GCNT1: variants seen among roughly 807,000 people sequenced by gnomAD.
GCNT1 encodes the protein glucosaminyl (N-acetyl) transferase 1, also known as beta-1,3-galactosyl-O-glycosyl-glycoprotein beta-1,6-N-acetylglucosaminyltransferase.
Under a neutral mutation model 26.2 loss-of-function variants are expected in GCNT1, and 16 were observed. That is an observed-to-expected ratio of 0.61 (90% CI 0.41 to 0.93). The LOEUF (loss-of-function observed/expected upper bound fraction) is 0.93, where lower values mean the gene tolerates loss of function less well. Ranked by LOEUF, GCNT1 falls within the 40% of genes least tolerant of loss-of-function variation. The pLI, the probability that GCNT1 is intolerant of heterozygous loss-of-function variation, is 0.00. For missense variants in GCNT1, 477 were observed against 526.7 expected (o/e 0.91, Z 0.92); for synonymous variants, 183 against 190.8 (o/e 0.96, Z 0.34).
chr9:76,420,766 T>G (rs1002258833), intron 1 of GCNT1: 20 of 151,938 alleles, frequency 1.3e-4, no homozygotes, highest in African/African-American at 4.6e-4. Flanking sequence ...AGACCTCTTC[T>G]CTACTAAAAA....
upstream of GCNT1, among the ~76,000 whole-genome samples, chr9:76,437,772 G>A (rs62564438): frequency 0.017 from 2,595 of 152,280 alleles, 31 homozygotes; most frequent in Non-Finnish European, 0.028. Context: ...TGAGGGCAAA[G>A]CAGAATATTT....
chr9:76,482,586 T>C (rs986672060), intron 2 of GCNT1, among the ~76,000 whole-genome samples: 5 of 151,576 alleles, frequency 3.3e-5, no homozygotes, highest in African/African-American at 1.2e-4. Flanking sequence ...ATTGCACCAC[T>C]GCACTTCAGC....
chr9:76,491,018 A>G (rs924662988), intron 2 of GCNT1, among the ~76,000 whole-genome samples: 3 of 152,262 alleles, frequency 2.0e-5, no homozygotes, highest in South Asian at 4.1e-4. Flanking sequence ...AAGACCTTCA[A>G]TTATCAATTA....
the GCNT1 span, among the ~76,000 whole-genome samples, chr9:76,407,295 A>G: frequency 1.3e-3 from 194 of 152,240 alleles, 1 homozygote; most frequent in African/African-American, 4.5e-3. Flanking sequence ...GGGCATGAGT[A>G]TAAAGTCTAT....
At chr9:76,399,233 G>C in the GCNT1 span, 1 of 1,501,152 alleles carries the variant, frequency 6.7e-7, no homozygotes, top group East Asian at 2.3e-5. Context: ...GTAGATGCTG[G>C]CTCGGGAAGT....
intron 1 of GCNT1, among the ~76,000 whole-genome samples, chr9:76,447,803 C>T (rs1823602318): frequency 6.6e-6 from 1 of 152,156 alleles, no homozygotes; most frequent in South Asian, 2.1e-4. Flanking sequence ...TCTGTGAGCC[C>T]CCTGGCTCAT....
intron 2 of GCNT1, among the ~76,000 whole-genome samples, chr9:76,477,700 CT>C (rs1824286059): frequency 6.6e-6 from 1 of 152,194 alleles, no homozygotes; most frequent in Admixed American, 6.5e-5. Context: ...CATATTTGCA[CT>C]GTTGTGCAGC....
chr9:76,493,263 G>A (rs184570568), intron 2 of GCNT1, among the ~76,000 whole-genome samples: 21 of 152,292 alleles, frequency 1.4e-4, no homozygotes, highest in African/African-American at 5.1e-4. Flanking sequence ...TTGCTGACCG[G>A]TAGGGAATTT....
chr9:76,395,194 T>C, the GCNT1 span, among the ~76,000 whole-genome samples: 8 of 152,342 alleles, frequency 5.3e-5, no homozygotes, highest in African/African-American at 1.7e-4. Context: ...GAAGTAGCTC[T>C]GGGCTCACTC....
the GCNT1 span, among the ~76,000 whole-genome samples, chr9:76,403,520 G>C: frequency 6.6e-6 from 1 of 152,314 alleles, no homozygotes; most frequent in Admixed American, 6.5e-5. Context: ...ACCTAGAACT[G>C]CGGTGACACA....
the GCNT1 span, among the ~76,000 whole-genome samples, chr9:76,413,920 A>G: frequency 6.6e-6 from 1 of 150,696 alleles, no homozygotes; most frequent in African/African-American, 2.4e-5. Context: ...TTTGCTTTTC[A>G]GTTTTGGAAG....
At chr9:76,477,396 C>G (rs578164992) in intron 2 of GCNT1, among the ~76,000 whole-genome samples, 1 of 151,890 alleles carries the variant, frequency 6.6e-6, no homozygotes, top group East Asian at 2.0e-4. Context: ...CATGGTGGTG[C>G]GTGCCTGTAG....
intron 2 of GCNT1, among the ~76,000 whole-genome samples, chr9:76,470,659 CAT>C (rs1265149643): frequency 6.7e-6 from 1 of 148,488 alleles, no homozygotes; most frequent in East Asian, 2.0e-4. Context: ...ACATTGTATA[CAT>C]GTCTTGTTTC....
At chr9:76,448,487 C>T (rs1330006763) in intron 1 of GCNT1, among the ~76,000 whole-genome samples, 2 of 152,230 alleles carry the variant, frequency 1.3e-5, no homozygotes, top group East Asian at 3.9e-4. Context: ...CTTATTGAGG[C>T]ATGGTTTAAT....
chr9:76,468,799 T>G (rs1824063643), intron 2 of GCNT1, among the ~76,000 whole-genome samples: 2 of 152,226 alleles, frequency 1.3e-5, no homozygotes, highest in East Asian at 3.8e-4. Flanking sequence ...TACAGTGAAT[T>G]ACTTTTCAAA....
upstream of GCNT1, among the ~76,000 whole-genome samples, chr9:76,437,453 A>C (rs1441558975): frequency 6.6e-6 from 1 of 152,196 alleles, no homozygotes; most frequent in Non-Finnish European, 1.5e-5. Flanking sequence ...TGCCATGGCA[A>C]CGTCAGGAAG....
intron 1 of GCNT1, among the ~76,000 whole-genome samples, chr9:76,432,025 C>T (rs539367227): frequency 4.7e-4 from 71 of 152,228 alleles, no homozygotes; most frequent in African/African-American, 1.7e-3. Flanking sequence ...AGAAGAATCG[C>T]TTAAACCCGG....
chr9:76,454,386 GAAAAAAAAAAAAAA>G (rs71372084), upstream of GCNT1, among the ~76,000 whole-genome samples: 30 of 39,606 alleles, frequency 7.6e-4, no homozygotes, highest in Admixed American at 2.2e-3. Context: ...TCTCAGAAAA[GAAAAAAAAAAAAAA>G]AAAAAAAAAA....
At chr9:76,454,529 T>A (rs1239860723), upstream of GCNT1, among the ~76,000 whole-genome samples, 1 of 151,834 alleles carries the variant, frequency 6.6e-6, no homozygotes, top group Non-Finnish European at 1.5e-5. Context: ...TGATATGGTT[T>A]GGCTGTGTTC....
Sources: gnomAD v4.1 joint callset for allele counts (sites outside exome capture counted in the v4.1 genomes callset) on GRCh38, gnomAD v4.1.1 for gene constraint, MANE v1.5 for transcripts, NCBI Gene and HGNC (gene_info 2026-07-23, HGNC 2026-07-21) for gene names.